Variants in WASHC3 observed in about 807,000 individuals in gnomAD.
WASHC3 encodes the protein WASH complex subunit CCDC53.
WASHC3 carries 24 observed loss-of-function variants against 26.1 expected under a neutral mutation model. The observed-to-expected ratio is 0.92, with a 90% CI of 0.66 to 1.29. The LOEUF is 1.29. Ranked by LOEUF, WASHC3 falls within the 50% of genes most tolerant of loss-of-function variation. The pLI is 0.00. For missense variants in WASHC3, 214 were observed against 229.6 expected, an observed-to-expected ratio of 0.93 and a Z score of 0.44; for synonymous variants, 77 against 75.7, an observed-to-expected ratio of 1.02 and a Z score of -0.09.
intron 6 of WASHC3, 113 bp from the exon 7 acceptor site, chr12:102,013,305 C>T (rs867900406): frequency 8.8e-5 from 55 of 627,164 alleles, no homozygotes; most frequent in Middle Eastern, 7.3e-4. Flanking sequence ...CTGCCAAGTC[C>T]GTGTCCTCAG....
rs534243541 is a variant in WASHC3 at position 102,018,774 on chromosome 12, A to G, written c.501-5582T>C. On this transcript the variant is annotated intron_variant, in intron 6 of 6. Coordinates refer to ENST00000240079, the MANE Select transcript of WASHC3 (RefSeq NM_016053.4). The stretch of plus-strand genomic sequence containing the variant: ...CACGAGCCACTGCACCTGGCTCCTC[A>G]TTCATTTTATTATTTATTTATTTAT... 2.0e-4 allele frequency among the ~76,000 whole-genome samples: 31 copies of G among 152,008 alleles called. No individual in the cohort carries two copies. In the South Asian group the frequency reaches 6.0e-3, roughly 30 times the overall value.
intron 3 of WASHC3, among the ~76,000 whole-genome samples, chr12:102,045,703 G>A (rs1878132842): frequency 6.6e-6 from 1 of 152,122 alleles, no homozygotes. Flanking sequence ...GACATCTAAA[G>A]ATTTATATTA....
intron 1 of WASHC3, 109 bp downstream of exon 1, chr12:102,061,803 C>G: frequency 2.1e-6 from 2 of 931,844 alleles, no homozygotes; most frequent in Non-Finnish European, 3.3e-6. Context: ...CACAAGGGCC[C>G]GAGGCCGTGA....
intron 5 of WASHC3, among the ~76,000 whole-genome samples, chr12:102,034,508 T>C (rs941212955): frequency 1.3e-5 from 2 of 152,158 alleles, no homozygotes; most frequent in African/African-American, 2.4e-5. Flanking sequence ...AAGAATAATA[T>C]TTTAGGTGAT....
At chr12:102,030,796 C>T (rs1430253877) in intron 5 of WASHC3, among the ~76,000 whole-genome samples, 1 of 152,138 alleles carries the variant, frequency 6.6e-6, no homozygotes, top group East Asian at 1.9e-4. Flanking sequence ...ACATGACAAC[C>T]ATATAACTAT....
chr12:102,053,763 A>G (rs1382949819), intron 2 of WASHC3, among the ~76,000 whole-genome samples: 1 of 152,154 alleles, frequency 6.6e-6, no homozygotes, highest in Non-Finnish European at 1.5e-5. Context: ...TCAAACAGAA[A>G]TTTTAGAGCT....
chr12:102,037,243 G>A (rs1341292116), intron 5 of WASHC3, among the ~76,000 whole-genome samples: 1 of 152,096 alleles, frequency 6.6e-6, no homozygotes, highest in African/African-American at 2.4e-5. Context: ...CTATGTACAA[G>A]GTATTATTGC....
chr12:102,052,720 A>G lies in WASHC3; in HGVS notation c.151-6601T>C, dbSNP rs1180873331. Among the ~76,000 whole-genome samples the G allele has an allele frequency of 2.6e-5, 4 of 152,040 alleles. No homozygotes were observed. In the East Asian group the frequency reaches 7.7e-4, roughly 29 times the overall value. On this transcript the variant is annotated intron_variant, in intron 2 of 6. Coordinates refer to ENST00000240079, the MANE Select transcript of WASHC3 (RefSeq NM_016053.4). The stretch of plus-strand genomic sequence containing the variant: ...GGCCCCAGTCTGGCTCCTGCAGCCC[A>G]TACCCTAGTGGAAGTAGGGTTTAGG...
intron 5 of WASHC3, among the ~76,000 whole-genome samples, chr12:102,030,731 G>A (rs1342050753): frequency 1.3e-5 from 2 of 152,118 alleles, no homozygotes; most frequent in Non-Finnish European, 2.9e-5. Flanking sequence ...TATCAGTGAA[G>A]AATAAATAGA....
intron 5 of WASHC3, among the ~76,000 whole-genome samples, chr12:102,037,881 C>T (rs78524772): frequency 0.034 from 5,210 of 151,952 alleles, 294 homozygotes; most frequent in East Asian, 0.29. Flanking sequence ...TTGCAACCTC[C>T]GCCTCCTGGG....
chr12:102,023,605 T>C (rs192091597), intron 6 of WASHC3, among the ~76,000 whole-genome samples: 2 of 152,306 alleles, frequency 1.3e-5, no homozygotes, highest in Non-Finnish European at 2.9e-5. Flanking sequence ...AAAAGCATCA[T>C]AATTCCTCTG....
Position 102,034,514 on chromosome 12 carries a change from G to T in WASHC3, c.435+5354C>A, listed in dbSNP as rs567558220. ...ATACTGCTGAAGAATAATATTTTAG[G>T]TGATAACTTATGACATTAGAATGAC... is the stretch of plus-strand genomic sequence containing the variant. On this transcript the variant is annotated intron_variant, in intron 5 of 6. Transcript: ENST00000240079. Among the ~76,000 whole-genome samples the T allele has an allele frequency of 2.6e-5, 4 of 152,224 alleles. No individual in the cohort carries two copies. In the South Asian group the frequency reaches 8.3e-4, roughly 32 times the overall value.
chr12:102,015,536 AAATT>A (rs34769123), intron 6 of WASHC3, among the ~76,000 whole-genome samples: 2,081 of 151,546 alleles, frequency 0.014, 18 homozygotes, highest in Middle Eastern at 0.031. Context: ...TGTGATGATT[AAATT>A]AATTAATAAA....
rs376465645 is a variant in WASHC3, at chr12:102,053,691, GA to G, written c.150+7556del. Reference sequence around the variant, plus strand: ...CAGAGAAACAATTCAATGAAATCAAGAAAATAATAAATGACCAAAATGAGAA... The same window carrying G: ...CAGAGAAACAATTCAATGAAATCAAGAAATAATAAATGACCAAAATGAGAA... On this transcript the variant is annotated intron_variant, in intron 2 of 6. Coordinates refer to ENST00000240079, the MANE Select transcript of WASHC3 (RefSeq NM_016053.4). Among the ~76,000 whole-genome samples the G allele has an allele frequency of 4.7e-4, 72 of 151,660 alleles. No individual in the cohort carries two copies. In the East Asian group the frequency reaches 0.013, roughly 26 times the overall value.
At chr12:102,048,523 C>T (rs1878255443) in intron 2 of WASHC3, 1 of 152,040 alleles carries the variant, frequency 6.6e-6, no homozygotes, top group East Asian at 1.9e-4. Context: ...TGAGATCACG[C>T]CACTGCATTC....
intron 2 of WASHC3, among the ~76,000 whole-genome samples, chr12:102,057,432 G>A (rs542784964): frequency 1.6e-4 from 25 of 151,934 alleles, no homozygotes; most frequent in African/African-American, 6.0e-4. Context: ...TAGACAAGAG[G>A]GAAAAATAAA....
intron 2 of WASHC3, among the ~76,000 whole-genome samples, chr12:102,057,655 C>A (rs534670812): frequency 1.3e-5 from 2 of 151,672 alleles, no homozygotes; most frequent in South Asian, 2.1e-4. Context: ...GAAAAAAAAT[C>A]TCATTTACAA....
rs578001379 is a variant in WASHC3 at position 102,057,001 on chromosome 12, G to C, written c.150+4247C>G. On this transcript the variant is annotated intron_variant, in intron 2 of 6. Transcript: ENST00000240079. ...AAGGTCAATATCCCCAGTGAACATA[G>C]AAGCAAAAATCCTCTACAAAATACT... 9.2e-5 allele frequency among the ~76,000 whole-genome samples: 14 copies of C among 152,206 alleles called. No individual in the cohort carries two copies. The Middle Eastern group carries it at 0.017, about 185-fold the overall frequency.
intron 5 of WASHC3, among the ~76,000 whole-genome samples, chr12:102,033,808 C>A (rs1036730448): frequency 6.6e-6 from 1 of 151,110 alleles, no homozygotes; most frequent in Non-Finnish European, 1.5e-5. Context: ...TAAAAGCTGA[C>A]ATGTAGGCTT....
Sources: gnomAD v4.1 joint callset for allele counts (sites outside exome capture counted in the v4.1 genomes callset) on GRCh38, gnomAD v4.1.1 for gene constraint, MANE v1.5 for transcripts, NCBI Gene and HGNC (gene_info 2026-07-23, HGNC 2026-07-21) for gene names.